Variants in GRM5 observed in about 807,000 individuals in gnomAD.
GRM5 encodes the protein glutamate metabotropic receptor 5, also known as metabotropic glutamate receptor 5.
GRM5 carries 19 observed loss-of-function variants against 83.1 expected under a neutral mutation model. That is an observed-to-expected ratio of 0.23 (90% confidence interval 0.16 to 0.34). The LOEUF (loss-of-function observed/expected upper bound fraction) is 0.34. Ranked by LOEUF, GRM5 falls within the 10% of genes least tolerant of loss-of-function variation. The pLI is 1.00. For synonymous variants in GRM5, 675 were observed against 633.6 expected (o/e 1.07, Z -0.98); for missense variants, 1,160 against 1,588.3 (o/e 0.73, Z 4.58).
At chr11:88,680,133 A>T (rs759401802) in intron 3 of GRM5, among the ~76,000 whole-genome samples, 16 of 152,128 alleles carry the variant, frequency 1.1e-4, no homozygotes, top group Non-Finnish European at 2.2e-4. Flanking sequence ...CACAACATGC[A>T]GGTTTGTTAC....
chr11:88,644,843 A>G (rs1939395539), intron 4 of GRM5, among the ~76,000 whole-genome samples: 1 of 152,080 alleles, frequency 6.6e-6, no homozygotes, highest in Non-Finnish European at 1.5e-5. Context: ...CCACAGTGGC[A>G]AAAAGCTTGT....
chr11:88,674,363 G>A (rs974814964), intron 3 of GRM5, among the ~76,000 whole-genome samples: 5 of 151,656 alleles, frequency 3.3e-5, no homozygotes, highest in Admixed American at 2.0e-4. Flanking sequence ...TTTCCCTTTT[G>A]GATTTTATCC....
intron 3 of GRM5, among the ~76,000 whole-genome samples, chr11:88,700,800 A>G (rs776895951): frequency 6.6e-6 from 1 of 152,154 alleles, no homozygotes; most frequent in Admixed American, 6.6e-5. Context: ...TGCTACACAT[A>G]TACAGCAATG....
At chr11:88,621,871 C>A (rs1255757653) in intron 4 of GRM5, among the ~76,000 whole-genome samples, 1 of 151,932 alleles carries the variant, frequency 6.6e-6, no homozygotes, top group Admixed American at 6.6e-5. Flanking sequence ...AAGAATTGAA[C>A]CAGAAAATGC....
chr11:88,709,373 G>A (rs575988525), intron 3 of GRM5, among the ~76,000 whole-genome samples: 1 of 152,162 alleles, frequency 6.6e-6, no homozygotes, highest in South Asian at 2.1e-4. Context: ...CAGGGTAAGG[G>A]ATCTGGACTT....
At chr11:88,990,155 T>C (rs199786918) in intron 2 of GRM5, among the ~76,000 whole-genome samples, 66,365 of 123,246 alleles carry the variant, frequency 0.54, 17,663 homozygotes, top group African/African-American at 0.74. Context: ...ATCAAATAGA[T>C]GCAATAAAAA....
At chr11:88,767,891 C>T (rs1942654039) in intron 3 of GRM5, among the ~76,000 whole-genome samples, 1 of 151,794 alleles carries the variant, frequency 6.6e-6, no homozygotes, top group African/African-American at 2.4e-5. Context: ...CTATGAGATA[C>T]CACCTTACAC....
intron 2 of GRM5, among the ~76,000 whole-genome samples, chr11:89,028,442 G>T: frequency 6.6e-6 from 1 of 152,110 alleles, no homozygotes; most frequent in East Asian, 1.9e-4. Flanking sequence ...TAAAAAATTA[G>T]CCAGGAGTGG....
At chr11:88,776,265 C>G (rs368257380) in intron 3 of GRM5, among the ~76,000 whole-genome samples, 1 of 151,974 alleles carries the variant, frequency 6.6e-6, no homozygotes, top group African/African-American at 2.4e-5. Context: ...ATTGCAACCC[C>G]TGTTTTTTTT....
rs534545126 is a variant in GRM5 at position 89,038,991 on chromosome 11, C to T, written c.661+8221G>A. On this transcript the variant is annotated intron_variant, in intron 2 of 9. Transcript: ENST00000305447. ...TTAAAATATAGTATATATGGTCAGGCGCGGTGGCTCACGTCTGTGATCCCA... is the reference window on the plus strand; with the variant it reads ...TTAAAATATAGTATATATGGTCAGGTGCGGTGGCTCACGTCTGTGATCCCA... Among the ~76,000 whole-genome samples the T allele has an allele frequency of 8.5e-5, 13 of 152,176 alleles. No individual in the cohort carries two copies. The South Asian group carries it at 1.2e-3, about 15-fold the overall frequency.
At chr11:88,859,070 T>G in intron 2 of GRM5, among the ~76,000 whole-genome samples, 1 of 151,992 alleles carries the variant, frequency 6.6e-6, no homozygotes, top group Non-Finnish European at 1.5e-5. Context: ...AGAAACTGTT[T>G]TTACACTCTT....
At chr11:88,958,507 C>G (rs1444731359) in intron 2 of GRM5, among the ~76,000 whole-genome samples, 2 of 151,948 alleles carry the variant, frequency 1.3e-5, no homozygotes, top group East Asian at 1.9e-4. Context: ...GATTGTTCCT[C>G]TAAGGCTTAG....
chr11:88,583,504 T>A (rs1943255840), intron 7 of GRM5, among the ~76,000 whole-genome samples: 1 of 152,358 alleles, frequency 6.6e-6, no homozygotes, highest in African/African-American at 2.4e-5. Flanking sequence ...CAGGAGATAA[T>A]GCTAACTTCC....
intron 3 of GRM5, among the ~76,000 whole-genome samples, chr11:88,704,336 T>G (rs1410651806): frequency 6.6e-6 from 1 of 151,928 alleles, no homozygotes; most frequent in African/African-American, 2.4e-5. Flanking sequence ...CCAAGTTAGG[T>G]GGTAAGAAAC....
chr11:88,959,537 C>T (rs1243241758), intron 2 of GRM5, among the ~76,000 whole-genome samples: 1 of 152,030 alleles, frequency 6.6e-6, no homozygotes, highest in Non-Finnish European at 1.5e-5. Flanking sequence ...CTAAAGTAAA[C>T]ATAGTTCTAC....
rs538739336 is a variant in GRM5 at position 88,906,863 on chromosome 11, G to A, written c.662-56708C>T. 7.2e-5 allele frequency among the ~76,000 whole-genome samples: 11 copies of A among 152,166 alleles called. No homozygotes were observed. The East Asian group carries it at 9.7e-4, about 13-fold the overall frequency. On this transcript the variant is annotated intron_variant, in intron 2 of 9. Transcript: ENST00000305447. ...CATTTGAAAGTGCTAAGGAATCCACGCCAGAAAAGGCTAATTAAGGAGTTA... is the reference window on the plus strand; with the variant it reads ...CATTTGAAAGTGCTAAGGAATCCACACCAGAAAAGGCTAATTAAGGAGTTA...
intron 6 of GRM5, among the ~76,000 whole-genome samples, chr11:88,595,800 T>C: frequency 6.6e-6 from 1 of 152,164 alleles, no homozygotes; most frequent in Non-Finnish European, 1.5e-5. Context: ...TCTCTAGTTG[T>C]CTATCTCTCT....
intron 3 of GRM5, among the ~76,000 whole-genome samples, chr11:88,787,228 C>T (rs10741523): frequency 0.58 from 87,663 of 150,698 alleles, 27,657 homozygotes; most frequent in Non-Finnish European, 0.72. Context: ...AGCTGAGATC[C>T]GACATCCAAG....
At chr11:89,060,444 T>C (rs1246856043) in intron 1 of GRM5, among the ~76,000 whole-genome samples, 1 of 152,108 alleles carries the variant, frequency 6.6e-6, no homozygotes, top group African/African-American at 2.4e-5. Context: ...GCATAAACTA[T>C]GCACTGTTCT....
Sources: gnomAD v4.1 joint callset for allele counts (sites outside exome capture counted in the v4.1 genomes callset) on GRCh38, gnomAD v4.1.1 for gene constraint, MANE v1.5 for transcripts, NCBI Gene and HGNC (gene_info 2026-07-23, HGNC 2026-07-21) for gene names.